Variants in TTC28 observed in about 807,000 individuals in gnomAD.
The protein encoded by TTC28 is tetratricopeptide repeat protein 28.
In TTC28, 61 loss-of-function variants were observed where a neutral mutation model predicts 198.0. The ratio of observed to expected loss-of-function variants is 0.31; its 90% confidence interval spans 0.25 to 0.38. The LOEUF (loss-of-function observed/expected upper bound fraction) is 0.38. Ranked by LOEUF, TTC28 falls within the 10% of genes least tolerant of loss-of-function variation. The pLI is 1.00. For missense variants in TTC28, 2,678 were observed against 3,164.0 expected, an observed-to-expected ratio of 0.85 and a Z score of 3.69; for synonymous variants, 1,171 against 1,297.8, an observed-to-expected ratio of 0.90 and a Z score of 2.10.
At chr22:28,093,559 G>A (rs1216318061) in intron 12 of TTC28, among the ~76,000 whole-genome samples, 1 of 152,114 alleles carries the variant, frequency 6.6e-6, no homozygotes, top group East Asian at 1.9e-4. Flanking sequence ...GTTTCCATAA[G>A]CTTATACCTT....
intron 2 of TTC28, among the ~76,000 whole-genome samples, chr22:28,402,270 G>A (rs2046925090): frequency 3.3e-5 from 5 of 152,140 alleles, no homozygotes; most frequent in Admixed American, 2.6e-4. Context: ...ACAAGCTCCT[G>A]GTGTCCACAG....
chr22:28,291,879 G>A (rs970358147), intron 5 of TTC28, among the ~76,000 whole-genome samples: 4 of 152,058 alleles, frequency 2.6e-5, no homozygotes, highest in Admixed American at 2.0e-4. Context: ...ATGAAGAAAT[G>A]TGTTATAAGT....
At chr22:28,066,041 A>G (rs1177003743) in intron 12 of TTC28, among the ~76,000 whole-genome samples, 1 of 152,168 alleles carries the variant, frequency 6.6e-6, no homozygotes, top group Non-Finnish European at 1.5e-5. Context: ...TTGTACGCAC[A>G]ATATTTCTTG....
chr22:28,530,749 A>C (rs1293769240), intron 2 of TTC28, among the ~76,000 whole-genome samples: 3 of 152,224 alleles, frequency 2.0e-5, no homozygotes, highest in Non-Finnish European at 4.4e-5. Context: ...AGTGGGGGCC[A>C]ATATTCAACA....
At chr22:28,040,917 A>C (rs530743427) in intron 12 of TTC28, among the ~76,000 whole-genome samples, 2 of 152,246 alleles carry the variant, frequency 1.3e-5, no homozygotes, top group South Asian at 4.1e-4. Context: ...TGTGCAAAAA[A>C]CACAAGCATT....
At chr22:28,484,362 C>T (rs1049996707) in intron 2 of TTC28, among the ~76,000 whole-genome samples, 3 of 152,030 alleles carry the variant, frequency 2.0e-5, no homozygotes, top group Admixed American at 1.3e-4. Context: ...TCCTCCCACC[C>T]TGGCCTCCCA....
intron 12 of TTC28, among the ~76,000 whole-genome samples, chr22:28,040,958 A>G (rs1939608617): frequency 6.6e-6 from 1 of 152,132 alleles, no homozygotes; most frequent in African/African-American, 2.4e-5. Context: ...AAACAGCCAA[A>G]TCTTGAGTGA....
At chr22:28,324,181 G>A (rs1316791386) in intron 2 of TTC28, among the ~76,000 whole-genome samples, 1 of 152,136 alleles carries the variant, frequency 6.6e-6, no homozygotes, top group Non-Finnish European at 1.5e-5. Context: ...GCTGAGTGGG[G>A]TGGCTCATGC....
At chr22:28,427,297 T>C (rs2047363938) in intron 2 of TTC28, among the ~76,000 whole-genome samples, 4 of 152,370 alleles carry the variant, frequency 2.6e-5, no homozygotes, top group Middle Eastern at 3.4e-3. Context: ...TCTATTCCTA[T>C]AGTCTTCTCA....
intron 14 of TTC28, among the ~76,000 whole-genome samples, chr22:28,011,457 G>A (rs1391927256): frequency 1.3e-5 from 2 of 152,260 alleles, no homozygotes; most frequent in Admixed American, 6.5e-5. Flanking sequence ...TTAGCTGGGT[G>A]TGGTGGTGCA....
chr22:28,462,147 T>C (rs1445114472), intron 2 of TTC28, among the ~76,000 whole-genome samples: 1 of 152,264 alleles, frequency 6.6e-6, no homozygotes, highest in Non-Finnish European at 1.5e-5. Flanking sequence ...TCATATTATT[T>C]GTTCAAAATA....
chr22:28,522,047 C>G (rs752910961), intron 2 of TTC28, among the ~76,000 whole-genome samples: 5 of 152,180 alleles, frequency 3.3e-5, no homozygotes, highest in Non-Finnish European at 7.4e-5. Context: ...CTTTTATACA[C>G]AATGTCTATA....
chr22:28,251,403 T>C (rs368726971), intron 5 of TTC28, among the ~76,000 whole-genome samples: 29 of 152,204 alleles, frequency 1.9e-4, no homozygotes, highest in African/African-American at 6.3e-4. Context: ...GCAAAGTTGG[T>C]TAGTTGTGTC....
At chr22:28,034,970 C>T (rs1292795701) in intron 12 of TTC28, among the ~76,000 whole-genome samples, 5 of 152,202 alleles carry the variant, frequency 3.3e-5, no homozygotes. Context: ...ATGAATCAAG[C>T]ACCTTGGAGC....
chr22:28,061,739 T>A (rs1239533693), intron 12 of TTC28, among the ~76,000 whole-genome samples: 1 of 152,228 alleles, frequency 6.6e-6, no homozygotes, highest in Non-Finnish European at 1.5e-5. Context: ...AAGTAGTTTT[T>A]TCCAATTCTG....
At chr22:28,068,589 C>T (rs1291543874) in intron 12 of TTC28, among the ~76,000 whole-genome samples, 2 of 152,046 alleles carry the variant, frequency 1.3e-5, no homozygotes, top group African/African-American at 4.8e-5. Flanking sequence ...CTCTTTCAAA[C>T]GAAGTCAAAT....
rs1378476324 is a variant in TTC28 at position 28,337,418 on chromosome 22, C to G, written c.382-30775G>C. ...CTTGTTAACTTTCTGTCTCGTTGAT[C>G]TGTCTAATGTTGACAGTGGGGTGTT... On this transcript the variant is annotated intron_variant, in intron 2 of 22. Coordinates refer to ENST00000397906, the MANE Select transcript of TTC28 (RefSeq NM_001145418.2). Among the ~76,000 whole-genome samples, 3 of 152,132 alleles carry G rather than the reference C, an allele frequency of 2.0e-5. No individual in the cohort carries two copies. In the East Asian group the frequency reaches 5.8e-4, roughly 29 times the overall value.
intron 13 of TTC28, among the ~76,000 whole-genome samples, chr22:28,016,939 G>T (rs551877509): frequency 6.6e-6 from 1 of 152,216 alleles, no homozygotes; most frequent in South Asian, 2.1e-4. Context: ...TGGCAATGCT[G>T]AACTACACAA....
intron 2 of TTC28, among the ~76,000 whole-genome samples, chr22:28,452,710 T>C (rs533188402): frequency 6.6e-6 from 1 of 152,046 alleles, no homozygotes; most frequent in Non-Finnish European, 1.5e-5. Context: ...CTTTTTACAG[T>C]TGTTAAAATG....
Sources: gnomAD v4.1 joint callset for allele counts (sites outside exome capture counted in the v4.1 genomes callset) on GRCh38, gnomAD v4.1.1 for gene constraint, MANE v1.5 for transcripts, NCBI Gene and HGNC (gene_info 2026-07-23, HGNC 2026-07-21) for gene names.